Variants in TGFBR3 observed in about 807,000 individuals in gnomAD.
TGFBR3 encodes transforming growth factor beta receptor 3.
TGFBR3 carries 46 observed loss-of-function variants against 87.9 expected under a neutral mutation model. The observed-to-expected ratio is 0.52, with a 90% confidence interval of 0.41 to 0.67. TGFBR3 has a LOEUF of 0.67. TGFBR3 is among the 30% of genes least tolerant of loss of function. The pLI, the probability that TGFBR3 is intolerant of heterozygous loss-of-function variation, is 0.00. For missense variants in TGFBR3, 866 were observed against 1,041.9 expected, an observed-to-expected ratio of 0.83 and a Z score of 2.32; for synonymous variants, 381 against 391.6, an observed-to-expected ratio of 0.97 and a Z score of 0.32.
At chr1:91,745,796 AAAT>A (rs1329877173) in intron 4 of TGFBR3, among the ~76,000 whole-genome samples, 1 of 152,222 alleles carries the variant, frequency 6.6e-6, no homozygotes, top group Non-Finnish European at 1.5e-5. Context: ...CATTTCAAAG[AAAT>A]AATAACTTCC....
rs17884450 is a variant in TGFBR3, at chr1:91,756,697, T to C, written c.384+1916A>G. Among the ~76,000 whole-genome samples, 1,310 of 152,336 alleles carry C rather than the reference T, an allele frequency of 8.6e-3. 23 individuals carry two copies. The highest frequency in any genetic ancestry group is 0.03 in the African/African-American group (1,240 of 41,574). On this transcript the variant is annotated intron_variant, in intron 4 of 16. Transcript: ENST00000212355. ...CCAGAAAAGGCTACAATAAAGTTAT[T>C]GTAATGCCCACCTTGTAAATGTACC...
At chr1:91,710,308 C>T (rs1671933906) in intron 13 of TGFBR3, among the ~76,000 whole-genome samples, 1 of 152,146 alleles carries the variant, frequency 6.6e-6, no homozygotes, top group Admixed American at 6.5e-5. Context: ...CAAGAGCCCT[C>T]TTGTAAAGAA....
intron 4 of TGFBR3, among the ~76,000 whole-genome samples, chr1:91,738,099 T>C (rs1381432546): frequency 6.6e-6 from 1 of 152,216 alleles, no homozygotes; most frequent in African/African-American, 2.4e-5. Flanking sequence ...AACTGGAACA[T>C]CAGCTCTTCC....
chr1:91,890,778 G>A (rs145857757), upstream of TGFBR3, among the ~76,000 whole-genome samples: 67 of 152,170 alleles, frequency 4.4e-4, 1 homozygote, highest in Middle Eastern at 3.4e-3. Flanking sequence ...CTTGCCCAAG[G>A]TCACACAACC....
At chr1:91,853,503 C>T (rs919001893) in intron 2 of TGFBR3, among the ~76,000 whole-genome samples, 4 of 151,990 alleles carry the variant, frequency 2.6e-5, no homozygotes, top group African/African-American at 9.7e-5. Context: ...AACTCACATC[C>T]AAGATTTCTC....
chr1:91,687,938 CAATT>C (rs1671144354), intron 16 of TGFBR3, among the ~76,000 whole-genome samples: 1 of 152,206 alleles, frequency 6.6e-6, no homozygotes, highest in Non-Finnish European at 1.5e-5. Context: ...GATTTTCTAT[CAATT>C]AATGTCTCAG....
chr1:91,746,741 T>C (rs990013630), intron 4 of TGFBR3, among the ~76,000 whole-genome samples: 1 of 151,792 alleles, frequency 6.6e-6, no homozygotes, highest in Non-Finnish European at 1.5e-5. Flanking sequence ...TTTTTTTTCA[T>C]CAAGGCTGAT....
intron 16 of TGFBR3, among the ~76,000 whole-genome samples, chr1:91,692,674 G>T (rs759819537): frequency 1.3e-5 from 2 of 152,146 alleles, no homozygotes; most frequent in African/African-American, 4.8e-5. Context: ...TCTTAGGAGA[G>T]AATGTAAGTT....
intron 2 of TGFBR3, among the ~76,000 whole-genome samples, chr1:91,805,744 C>T (rs761519645): frequency 6.6e-6 from 1 of 152,220 alleles, no homozygotes. Flanking sequence ...TGTATGGTTA[C>T]CACACCACTA....
chr1:91,790,304 C>A (rs1382898560), intron 3 of TGFBR3, among the ~76,000 whole-genome samples: 1 of 152,186 alleles, frequency 6.6e-6, no homozygotes, highest in Non-Finnish European at 1.5e-5. Flanking sequence ...ACATGCTGTG[C>A]ACATTTGTAG....
intron 2 of TGFBR3, among the ~76,000 whole-genome samples, chr1:91,815,156 G>A (rs1309782701): frequency 6.6e-6 from 1 of 152,018 alleles, no homozygotes; most frequent in Non-Finnish European, 1.5e-5. Flanking sequence ...ACAAAAATTA[G>A]CCGAGCATGG....
intron 2 of TGFBR3, among the ~76,000 whole-genome samples, chr1:91,819,333 A>G (rs1001288233): frequency 1.3e-5 from 2 of 151,728 alleles, no homozygotes; most frequent in African/African-American, 4.8e-5. Flanking sequence ...GCGCCACTGT[A>G]TTCCAGCCTG....
chr1:91,879,831 A>G (rs977607169), intron 1 of TGFBR3, among the ~76,000 whole-genome samples: 1 of 152,312 alleles, frequency 6.6e-6, no homozygotes, highest in East Asian at 1.9e-4. Flanking sequence ...TAGAAATTTT[A>G]TATTCCTAGA....
At chr1:91,740,683 A>G (rs1418467833) in intron 4 of TGFBR3, among the ~76,000 whole-genome samples, 3 of 152,196 alleles carry the variant, frequency 2.0e-5, no homozygotes, top group Non-Finnish European at 4.4e-5. Flanking sequence ...ACTATTTAAC[A>G]TGAGATTTGG....
intron 1 of TGFBR3, among the ~76,000 whole-genome samples, chr1:91,881,631 G>T (rs576029715): frequency 4.8e-4 from 73 of 152,312 alleles, no homozygotes; most frequent in African/African-American, 1.7e-3. Flanking sequence ...CCACTCTGTA[G>T]TATAAGCGCA....
At chr1:91,756,355 G>A (rs1029275903) in intron 4 of TGFBR3, among the ~76,000 whole-genome samples, 1 of 152,198 alleles carries the variant, frequency 6.6e-6, no homozygotes, top group Non-Finnish European at 1.5e-5. Flanking sequence ...GAGACTGACA[G>A]TGATTATGAG....
chr1:91,771,176 G>A (rs553737179), intron 3 of TGFBR3, among the ~76,000 whole-genome samples: 1 of 152,222 alleles, frequency 6.6e-6, no homozygotes, highest in South Asian at 2.1e-4. Flanking sequence ...AACTAACAGG[G>A]AAAAGAGGTT....
At chr1:91,818,674 T>C (rs1676335732) in intron 2 of TGFBR3, among the ~76,000 whole-genome samples, 1 of 152,218 alleles carries the variant, frequency 6.6e-6, no homozygotes, top group South Asian at 2.1e-4. Flanking sequence ...AAGTGGGACC[T>C]TTTGTGTGTG....
At position 91,861,485 on chromosome 1, in the gene TGFBR3, C is replaced by A; in HGVS notation, c.47G>T (p.Cys16Phe). Residue 16 changes from cysteine (C) to phenylalanine (F), a missense_variant, in exon 2 of 17, where the codon TGT becomes TTT. By Grantham distance (205) the Cys-to-Phe change is radical. Coordinates refer to ENST00000212355, the MANE Select transcript of TGFBR3 (RefSeq NM_003243.5). ...VIAIFALMSSCLATAGPEPGA... is the reference protein window; with the variant it reads ...VIAIFALMSSFLATAGPEPGA... The stretch of plus-strand genomic sequence containing the variant: ...ATGCAACTTACCTGCAGTGGCTAAA[C>A]AGGAGCTCATCAGGGCAAAGATGGC... 2 of 1,613,220 alleles carry A rather than the reference C, an allele frequency of 1.2e-6. No homozygotes were observed. The highest frequency in any genetic ancestry group is 1.7e-6 in the Non-Finnish European group (2 of 1,179,208).
Sources: allele counts gnomAD v4.1 joint callset (sites outside exome capture counted in the v4.1 genomes callset), GRCh38; gene constraint gnomAD v4.1.1; transcripts MANE v1.5; gene names NCBI Gene and HGNC (gene_info 2026-07-23, HGNC 2026-07-21).